PCSK5: variants seen among roughly 807,000 people sequenced by gnomAD.
PCSK5 encodes prohormone convertase 5.
Under a neutral mutation model 233.2 loss-of-function variants are expected in PCSK5, and 129 were observed. That is an observed-to-expected ratio of 0.55 (90% confidence interval 0.48 to 0.64). The LOEUF (loss-of-function observed/expected upper bound fraction) is 0.64. Ranked by LOEUF, PCSK5 falls within the 30% of genes least tolerant of loss-of-function variation. The probability of loss-of-function intolerance (pLI) is 0.00; values close to 1 mark genes in which losing one functional copy is unlikely to be tolerated. For missense variants in PCSK5, 2,076 were observed against 2,430.1 expected (o/e 0.85, Z 3.06); for synonymous variants, 825 against 879.2 (o/e 0.94, Z 1.09).
In PCSK5 at chr9:76,202,610, C is replaced by T. The variant is rs952288167; in HGVS notation, c.2626+12864C>T. ...TACTTTCCCTGATTCTTCCATTCTG[C>T]CCTGCACCCTAGAACACCCCCACAC... On this transcript the variant is annotated intron_variant, in intron 20 of 37. Transcript: ENST00000674117. Among the ~76,000 whole-genome samples, 4 of 152,238 alleles carry T rather than the reference C, an allele frequency of 2.6e-5. No homozygotes were observed. In the South Asian group the frequency reaches 8.3e-4, roughly 32 times the overall value.
chr9:75,977,954 G>A (rs1826102319), intron 2 of PCSK5, among the ~76,000 whole-genome samples: 1 of 152,020 alleles, frequency 6.6e-6, no homozygotes, highest in South Asian at 2.1e-4. Flanking sequence ...AGGGGTCAAT[G>A]AAACATTAAA....
At position 76,358,586 on chromosome 9, in the gene PCSK5, C is replaced by T; in HGVS notation, c.5328C>T (p.Ser1776=). 1.2e-6 allele frequency: 2 copies of T among 1,612,834 alleles called. No homozygotes were observed. The highest frequency in any genetic ancestry group is 1.7e-6 in the Non-Finnish European group (2 of 1,179,878). Residue 1776 remains serine, a synonymous_variant, in exon 38 of 38, where the codon TCC becomes TCT. Transcript: ENST00000674117. ...TCAAGACAGCTCTGTTCATCACCTC[C>T]TCCATGATGCTGGTGCTTCTGCTCG... is the stretch of plus-strand genomic sequence containing the variant. The part of the protein sequence containing the change: ...EHFKTALFIT[S]SMMLVLLLGA...
chr9:76,236,982 T>A (rs1826269350), intron 22 of PCSK5, among the ~76,000 whole-genome samples: 1 of 152,132 alleles, frequency 6.6e-6, no homozygotes, highest in Non-Finnish European at 1.5e-5. Context: ...GGATCCTGAG[T>A]TGATGTCTTG....
At position 75,932,405 on chromosome 9, in the gene PCSK5, C is replaced by G; in HGVS notation, c.219C>G (p.His73Gln). 6.2e-7 allele frequency: 1 copy of G among 1,612,406 alleles called. No individual in the cohort carries two copies. The highest frequency in any genetic ancestry group is 8.5e-7 in the Non-Finnish European group (1 of 1,178,482). The change falls in exon 2 of 38, where the codon CAC becomes CAG. Residue 73 changes from histidine (H) to glutamine (Q), a missense_variant. Physicochemically the swap from His to Gln is conservative, Grantham distance 24. Coordinates refer to ENST00000674117, the MANE Select transcript of PCSK5 (RefSeq NM_001372043.1). ...GQIGALKDYYHFYHSRTIKRS... is the reference protein window; with the variant it reads ...GQIGALKDYYQFYHSRTIKRS... ...TAGGGGCCCTGAAGGACTACTACCACTTCTACCATAGCAGGACGATTAAAA... is the reference window on the plus strand; with the variant it reads ...TAGGGGCCCTGAAGGACTACTACCAGTTCTACCATAGCAGGACGATTAAAA...
chr9:76,221,046 C>T (rs1275241462), intron 20 of PCSK5, among the ~76,000 whole-genome samples: 1 of 152,142 alleles, frequency 6.6e-6, no homozygotes, highest in Non-Finnish European at 1.5e-5. Flanking sequence ...CAAGTTAATT[C>T]ATTCAAAAAA....
At chr9:76,332,683 G>T in intron 34 of PCSK5, 73 bp downstream of exon 34, 1 of 1,132,956 alleles carries the variant, frequency 8.8e-7, no homozygotes, top group Non-Finnish European at 1.3e-6. Flanking sequence ...TACAAATGAG[G>T]AAACTAAGAT....
intron 24 of PCSK5, among the ~76,000 whole-genome samples, chr9:76,278,703 A>T (rs553157516): frequency 6.6e-6 from 1 of 151,986 alleles, no homozygotes; most frequent in East Asian, 1.9e-4. Context: ...CTATCTATCC[A>T]TCCATCCATC....
intron 16 of PCSK5, among the ~76,000 whole-genome samples, chr9:76,183,530 A>C (rs1823966113): frequency 6.6e-6 from 1 of 152,238 alleles, no homozygotes; most frequent in South Asian, 2.1e-4. Flanking sequence ...TTTAATGAAT[A>C]AAAGAACAGA....
Position 76,227,516 on chromosome 9 carries a change from T to C in PCSK5, c.2640T>C (p.Asp880=), listed in dbSNP as rs780624950. ...GAICKDGEYV[D]EHGHCQTCEA... ...TTTGTTCCCCAGGAGAATATGTTGA[T>C]GAGCATGGCCACTGCCAGACCTGTG... The change falls in exon 21 of 38, where the codon GAT becomes GAC. Residue 880 remains aspartate (D), a synonymous_variant. Transcript: ENST00000674117. 1 of 1,611,098 alleles carries C rather than the reference T, an allele frequency of 6.2e-7. No individual in the cohort carries two copies. The highest frequency in any genetic ancestry group is 8.5e-7 in the Non-Finnish European group (1 of 1,178,774).
chr9:76,175,302 G>A (rs942796168), intron 14 of PCSK5, 173 bp downstream of exon 14: 1 of 592,922 alleles, frequency 1.7e-6, no homozygotes, highest in Non-Finnish European at 3.0e-6. Context: ...GAATAGAATA[G>A]AATAGAATAG....
chr9:76,291,530 T>C (rs1828277044), intron 24 of PCSK5, among the ~76,000 whole-genome samples: 1 of 152,146 alleles, frequency 6.6e-6, no homozygotes, highest in Non-Finnish European at 1.5e-5. Context: ...CCGAATTCTC[T>C]TAATAGCTAG....
intron 3 of PCSK5, among the ~76,000 whole-genome samples, chr9:76,000,090 C>T (rs867254429): frequency 3.9e-5 from 6 of 152,226 alleles, no homozygotes; most frequent in Middle Eastern, 6.8e-3. Context: ...AAACAAACAA[C>T]CCCATCAAAA....
intron 3 of PCSK5, among the ~76,000 whole-genome samples, chr9:75,989,584 G>A (rs1451946440): frequency 6.6e-6 from 1 of 152,188 alleles, no homozygotes; most frequent in African/African-American, 2.4e-5. Flanking sequence ...GTTCTGGGAT[G>A]TCTGGGGCTT....
intron 1 of PCSK5, among the ~76,000 whole-genome samples, chr9:75,913,464 G>A (rs1822845975): frequency 6.6e-6 from 1 of 152,136 alleles, no homozygotes; most frequent in African/African-American, 2.4e-5. Flanking sequence ...AATTGATTCT[G>A]TAGAGGCCCC....
chr9:76,345,704 G>A (rs1829961768), intron 35 of PCSK5, among the ~76,000 whole-genome samples: 2 of 151,776 alleles, frequency 1.3e-5, no homozygotes, highest in South Asian at 4.2e-4. Flanking sequence ...TTACAGACGT[G>A]AGCCACCGCG....
At chr9:76,214,960 C>T (rs1442516969) in intron 20 of PCSK5, among the ~76,000 whole-genome samples, 1 of 152,230 alleles carries the variant, frequency 6.6e-6, no homozygotes, top group African/African-American at 2.4e-5. Flanking sequence ...ACTTCTTTAG[C>T]CATTTTGCAA....
At chr9:76,141,461 C>G (rs1346855263) in intron 10 of PCSK5, among the ~76,000 whole-genome samples, 1 of 152,090 alleles carries the variant, frequency 6.6e-6, no homozygotes, top group East Asian at 1.9e-4. Flanking sequence ...TTCATACATT[C>G]TTAATCAGCT....
intron 5 of PCSK5, among the ~76,000 whole-genome samples, chr9:76,047,916 T>C (rs1367525239): frequency 6.6e-6 from 1 of 152,212 alleles, no homozygotes; most frequent in Non-Finnish European, 1.5e-5. Flanking sequence ...TTCTGTAATA[T>C]TATAAAATTT....
chr9:76,275,417 TG>T (rs1293260684), intron 24 of PCSK5, among the ~76,000 whole-genome samples: 1 of 152,076 alleles, frequency 6.6e-6, no homozygotes, highest in Non-Finnish European at 1.5e-5. Context: ...TTTGGTTTTT[TG>T]GGGGTTTTTT....
Sources: allele counts gnomAD v4.1 joint callset (sites outside exome capture counted in the v4.1 genomes callset), GRCh38; gene constraint gnomAD v4.1.1; transcripts MANE v1.5; gene names NCBI Gene and HGNC (gene_info 2026-07-23, HGNC 2026-07-21).